AQP5: variants seen among roughly 807,000 people sequenced by gnomAD.
AQP5 encodes aquaporin 5.
AQP5 carries 15 observed loss-of-function variants against 19.1 expected under a neutral mutation model. That is an observed-to-expected ratio of 0.79 (90% confidence interval 0.53 to 1.21). The LOEUF is 1.21. Among genes scored for constraint, AQP5 ranks in the 50% most tolerant of loss-of-function variants. AQP5 has a pLI of 0.00. For synonymous variants in AQP5, 182 were observed against 160.3 expected, an observed-to-expected ratio of 1.14 and a Z score of -1.02; for missense variants, 355 against 357.1, an observed-to-expected ratio of 0.99 and a Z score of 0.05.
chr12:49,962,399 G>GCT lies in AQP5; in HGVS notation c.363+19_363+20insCT. On this transcript the variant is annotated intron_variant, in intron 1 of 3. Coordinates refer to ENST00000293599, the MANE Select transcript of AQP5 (RefSeq NM_001651.4). The stretch of plus-strand genomic sequence containing the variant: ...CAACGCGGTGAGTGCCCTGGGGGGG[G>GCT]GGTGGGAGCCTCGACCCTGGGGTGG... 7.5e-7 allele frequency: 1 copy of GCT among 1,331,654 alleles called. No homozygotes were observed. The highest frequency in any genetic ancestry group is 1.3e-5 in the South Asian group (1 of 78,348). 82.5% of individuals were successfully genotyped at this position (1,331,654 alleles called of 1,614,324 possible).
chr12:49,963,100 G>A (rs1947447470), intron 1 of AQP5, among the ~76,000 whole-genome samples: 1 of 152,248 alleles, frequency 6.6e-6, no homozygotes, highest in African/African-American at 2.4e-5. Context: ...CTGGAGAGAC[G>A]GGTTTAAGGC....
At position 49,962,270 on chromosome 12, in the gene AQP5, C is replaced by T; in HGVS notation, c.253C>T (p.Leu85Phe). ...CTTGGTGGGCAACCAGATCTCGCTG[C>T]TCCGGGCTTTCTTCTACGTGGCGGC... ...ALLVGNQISL[L>F]RAFFYVAAQL... Residue 85 changes from leucine (L) to phenylalanine (F), a missense_variant, in exon 1 of 4, where the codon CTC becomes TTC. Transcript: ENST00000293599. 6.2e-7 allele frequency: 1 copy of T among 1,607,276 alleles called. No homozygotes were observed. The highest frequency in any genetic ancestry group is 1.1e-5 in the South Asian group (1 of 91,048).
intron 2 of AQP5, 124 bp downstream of exon 2, chr12:49,963,780 G>A (rs763033170): frequency 2.2e-5 from 29 of 1,331,152 alleles, no homozygotes; most frequent in Non-Finnish European, 2.9e-5. Flanking sequence ...CTGGATTTAG[G>A]GCTCCTGGAC....
chr12:49,964,689 A>C (rs1947469961), intron 3 of AQP5: 9 of 984,816 alleles, frequency 9.1e-6, no homozygotes, highest in Non-Finnish European at 1.1e-5. Flanking sequence ...CTGAGGACCC[A>C]CGTGTCCCCT....
Position 49,962,057 on chromosome 12 carries a change from G to A in AQP5, c.40G>A (p.Val14Met), listed in dbSNP as rs776651494. The part of the protein sequence containing the change: ...EVCSVAFLKA[V>M]FAEFLATLIF... Reference sequence around the variant, plus strand: ...GTGCTCCGTGGCCTTCCTCAAGGCCGTGTTCGCAGAGTTCTTGGCCACCCT... The same window carrying A: ...GTGCTCCGTGGCCTTCCTCAAGGCCATGTTCGCAGAGTTCTTGGCCACCCT... Residue 14 changes from valine (V) to methionine (M), a missense_variant, in exon 1 of 4, where the codon GTG (valine) becomes ATG (methionine). Val to Met is a conservative substitution (Grantham distance 21, BLOSUM62 1). Transcript: ENST00000293599. The A allele has an allele frequency of 1.9e-6, 3 of 1,606,422 alleles. No individual in the cohort carries two copies. The highest frequency in any genetic ancestry group is 2.2e-5 in the South Asian group (2 of 90,918).
At chr12:49,963,045 A>C in intron 1 of AQP5, 1 of 178,310 alleles carries the variant, frequency 5.6e-6, no homozygotes, top group Non-Finnish European at 1.2e-5. Context: ...AATCAAACAC[A>C]GAGGAGGATT....
chr12:49,961,918 C>T lies in AQP5; in HGVS notation c.-100C>T. ...GCGCGGGACAGTGCGCGGCGCCCCG[C>T]AGCCAGGCCCCCGCCCCCGCCGCAT... On this transcript the variant is annotated 5_prime_UTR_variant, in exon 1 of 4. Coordinates refer to ENST00000293599, the MANE Select transcript of AQP5 (RefSeq NM_001651.4). The T allele has an allele frequency of 1.4e-6, 1 of 701,354 alleles. No homozygotes were observed. Among genetic ancestry groups the T allele is most frequent in the South Asian group, 6.6e-5 (1 of 15,104 alleles). 43.4% of individuals were successfully genotyped at this position (701,354 alleles called of 1,614,324 possible). A position where few individuals can be genotyped will look rare whatever the true frequency, so the allele number is the denominator to read the frequency against.
At position 49,965,089 on chromosome 12, in the gene AQP5, CCAT is replaced by C; in HGVS notation, c.716_718del (p.Ile239del). ...TCCCTGAGCCTGAGTGAGCGTGTGG[CCAT>C]CATCAAAGGCACGTATGAGCCTGAC... On this transcript the variant is annotated inframe_deletion, in exon 4 of 4. Transcript: ENST00000293599. The C allele has an allele frequency of 6.2e-7, 1 of 1,614,008 alleles. No homozygotes were observed. Among genetic ancestry groups the C allele is most frequent in the Non-Finnish European group, 8.5e-7 (1 of 1,180,000 alleles).
Position 49,964,795 on chromosome 12 carries a change from T to C in AQP5, c.613-197T>C, listed in dbSNP as rs536736404. The stretch of plus-strand genomic sequence containing the variant: ...TCTTTGAGGGTCTAGGTGTCTGTGG[T>C]CCATGTCTCTGTCCCTGGGAGTGGT... On this transcript the variant is annotated intron_variant, in intron 3 of 3. Coordinates refer to ENST00000293599, the MANE Select transcript of AQP5 (RefSeq NM_001651.4). The C allele has an allele frequency of 1.4e-4, 136 of 985,392 alleles. 1 individual carries two copies. In the African/African-American group the frequency reaches 2.3e-3, roughly 17 times the overall value. The allele number at this position is 985,392 out of a possible 1,614,324, so 61.0% of individuals were successfully genotyped here. A position where few individuals can be genotyped will look rare whatever the true frequency, so the allele number is the denominator to read the frequency against.
Position 49,962,140 on chromosome 12 carries a change from C to T in AQP5, c.123C>T (p.Thr41=). 6.2e-7 allele frequency: 1 copy of T among 1,613,192 alleles called. No individual in the cohort carries two copies. The highest frequency in any genetic ancestry group is 8.5e-7 in the Non-Finnish European group (1 of 1,179,816). Residue 41 remains threonine (T), a synonymous_variant, in exon 1 of 4, where the codon ACC becomes ACT. Transcript: ENST00000293599. ...SALKWPSALP[T]ILQIALAFGL... is the part of the protein sequence containing the mutation. Reference sequence around the variant, plus strand: ...TCAAGTGGCCGTCGGCGCTGCCTACCATCCTGCAGATCGCGCTGGCGTTTG... The same window carrying T: ...TCAAGTGGCCGTCGGCGCTGCCTACTATCCTGCAGATCGCGCTGGCGTTTG...
In AQP5 at chr12:49,963,714, A is replaced by C. The variant is rs551623980; in HGVS notation, c.528+58A>C. ...GTGGGGCAGGCACTCAAGGCAAATA[A>C]TGGAGCCCTGGAGCGGAGCCCACTT... On this transcript the variant is annotated intron_variant, in intron 2 of 3. Coordinates refer to ENST00000293599, the MANE Select transcript of AQP5 (RefSeq NM_001651.4). The C allele has an allele frequency of 1.7e-3, 2,637 of 1,577,506 alleles. 74 individuals are homozygous for C. In the South Asian group the frequency reaches 0.028, roughly 17 times the overall value.
chr12:49,965,285 G>A lies in AQP5; in HGVS notation c.*108G>A. 7.6e-7 allele frequency: 1 copy of A among 1,317,360 alleles called. No individual in the cohort carries two copies. Among genetic ancestry groups the A allele is most frequent in the Non-Finnish European group, 1.0e-6 (1 of 992,272 alleles). 81.6% of individuals were successfully genotyped at this position (1,317,360 alleles called of 1,614,324 possible). A position where few individuals can be genotyped will look rare whatever the true frequency, so the allele number is the denominator to read the frequency against. ...TGCACAACCGGTCCTCTTGGCTGAG[G>A]AGGAGGAGCTGGTCACCCTGGCTGC... On this transcript the variant is annotated 3_prime_UTR_variant, in exon 4 of 4. Coordinates refer to ENST00000293599, the MANE Select transcript of AQP5 (RefSeq NM_001651.4).
intron 3 of AQP5, chr12:49,964,645 G>A (rs1221439849): frequency 1.0e-5 from 10 of 985,162 alleles, no homozygotes; most frequent in Middle Eastern, 5.2e-4. Flanking sequence ...CTATCCCTGC[G>A]TGGAGGGGAC....
rs1947475985 is a variant in AQP5 at position 49,965,135 on chromosome 12, G to T, written c.756G>T (p.Gln252His). The T allele has an allele frequency of 6.2e-7, 1 of 1,613,638 alleles. No homozygotes were observed. Among genetic ancestry groups the T allele is most frequent in the Non-Finnish European group, 8.5e-7 (1 of 1,179,826 alleles). Residue 252 changes from glutamine to histidine, a missense_variant, in exon 4 of 4, where the codon CAG (glutamine) becomes CAT (histidine). Gln to His is a conservative substitution (Grantham distance 24, BLOSUM62 0). Transcript: ENST00000293599. The part of the protein sequence containing the change: ...TYEPDEDWEE[Q>H]REERKKTMEL... ...AGCCTGACGAGGACTGGGAGGAGCA[G>T]CGGGAAGAGCGGAAGAAGACCATGG...
At chr12:49,962,495 A>ACCAGGAATGCAAGAGCCTCCCAAGG (rs1947438934) in intron 1 of AQP5, 115 bp downstream of exon 1, 1 of 1,014,540 alleles carries the variant, frequency 9.9e-7, no homozygotes, top group Non-Finnish European at 1.3e-6. Flanking sequence ...CACACCCTTC[A>ACCAGGAATGCAAGAGCCTCCCAAGG]CCAGGAAGGC....
At chr12:49,962,660 G>A (rs1947442935) in intron 1 of AQP5, 1 of 391,696 alleles carries the variant, frequency 2.6e-6, no homozygotes, top group South Asian at 4.7e-5. Flanking sequence ...GCCTCCTCCT[G>A]TCTCACCTTT....
chr12:49,964,544 G>C, intron 3 of AQP5: 3 of 685,946 alleles, frequency 4.4e-6, no homozygotes, highest in Non-Finnish European at 3.6e-6. Flanking sequence ...TGTTGAGGGG[G>C]TTGGGAGAGT....
intron 2 of AQP5, 73 bp from the exon 3 acceptor site, chr12:49,964,019 C>G (rs1947458856): frequency 6.8e-7 from 1 of 1,465,640 alleles, no homozygotes; most frequent in Non-Finnish European, 9.6e-7. Flanking sequence ...GCAGTGTAAC[C>G]TTGAGAGAGT....
intron 1 of AQP5, chr12:49,962,616 G>T (rs1947442537): frequency 2.2e-6 from 1 of 448,376 alleles, no homozygotes; most frequent in Non-Finnish European, 3.8e-6. Flanking sequence ...TCTCTCCAAT[G>T]CCTGCTACCC....
Sources: allele counts gnomAD v4.1 joint callset (sites outside exome capture counted in the v4.1 genomes callset), GRCh38; gene constraint gnomAD v4.1.1; transcripts MANE v1.5; gene names NCBI Gene and HGNC (gene_info 2026-07-23, HGNC 2026-07-21).